The following GALNTL6 variants were observed in gnomAD, a reference collection of about 807,000 sequenced individuals.
GALNTL6 encodes the protein polypeptide N-acetylgalactosaminyltransferase like 6.
GALNTL6 carries 46 observed loss-of-function variants against 73.7 expected under a neutral mutation model. The observed-to-expected ratio is 0.62, with a 90% CI of 0.49 to 0.80. The LOEUF (loss-of-function observed/expected upper bound fraction) is 0.80. Ranked by LOEUF, GALNTL6 falls within the 30% of genes least tolerant of loss-of-function variation. The pLI is 0.00. For missense variants in GALNTL6, 604 were observed against 755.0 expected (o/e 0.80, Z 2.34); for synonymous variants, 259 against 263.7 (o/e 0.98, Z 0.17).
At chr4:172,507,244 A>C (rs1734395899) in intron 5 of GALNTL6, among the ~76,000 whole-genome samples, 1 of 54,930 alleles carries the variant, frequency 1.8e-5, no homozygotes. Flanking sequence ...CTTTATAGCC[A>C]AATTTTACAA....
chr4:172,305,612 G>A (rs1484249097), intron 3 of GALNTL6, among the ~76,000 whole-genome samples: 1 of 151,774 alleles, frequency 6.6e-6, no homozygotes, highest in Non-Finnish European at 1.5e-5. Flanking sequence ...AGAGTCTTCT[G>A]CTTTATTTTG....
At chr4:172,496,622 GC>G in intron 5 of GALNTL6, among the ~76,000 whole-genome samples, 1 of 152,294 alleles carries the variant, frequency 6.6e-6, no homozygotes, top group Non-Finnish European at 1.5e-5. Context: ...GTTCGAGGCT[GC>G]AGTGAGTTAT....
chr4:172,906,141 T>C (rs1486184875), intron 8 of GALNTL6, among the ~76,000 whole-genome samples: 1 of 152,186 alleles, frequency 6.6e-6, no homozygotes, highest in Non-Finnish European at 1.5e-5. Flanking sequence ...AAGCAGATTT[T>C]ATTTTTAGTT....
At chr4:172,758,987 G>A (rs1238007166) in intron 5 of GALNTL6, among the ~76,000 whole-genome samples, 4 of 152,148 alleles carry the variant, frequency 2.6e-5, no homozygotes, top group African/African-American at 9.7e-5. Flanking sequence ...AGATATTTAG[G>A]CTTTTCCTGA....
Position 171,905,272 on chromosome 4 carries a change from T to C in GALNTL6, c.138+90554T>C, listed in dbSNP as rs1238754756. Among the ~76,000 whole-genome samples, 3 of 151,960 alleles carry C rather than the reference T, an allele frequency of 2.0e-5. No individual in the cohort carries two copies. In the East Asian group the frequency reaches 5.8e-4, roughly 29 times the overall value. On this transcript the variant is annotated intron_variant, in intron 2 of 12. Transcript: ENST00000506823. ...CCCATCTCACATGCAGAGACACACATAGGCTCAAAATAAAAGGATGGAGGA... is the reference window on the plus strand; with the variant it reads ...CCCATCTCACATGCAGAGACACACACAGGCTCAAAATAAAAGGATGGAGGA...
intron 3 of GALNTL6, among the ~76,000 whole-genome samples, chr4:172,242,603 A>C (rs1361938752): frequency 6.6e-6 from 1 of 152,212 alleles, no homozygotes; most frequent in Non-Finnish European, 1.5e-5. Flanking sequence ...AAGCCTCAGG[A>C]ATTCTATGAA....
rs574576592 is a variant in GALNTL6, at chr4:171,943,873, C to T, written c.138+129155C>T. ...TTTTTTTAAGGTAAGCTATTTTTGA[C>T]AATGCTATAGTTAAGAGACTAGAAT... On this transcript the variant is annotated intron_variant, in intron 2 of 12. Coordinates refer to ENST00000506823, the MANE Select transcript of GALNTL6 (RefSeq NM_001034845.3). Among the ~76,000 whole-genome samples, 20 of 151,514 alleles carry T rather than the reference C, an allele frequency of 1.3e-4. No individual in the cohort carries two copies. The South Asian group carries it at 4.2e-3, about 32-fold the overall frequency.
intron 4 of GALNTL6, among the ~76,000 whole-genome samples, chr4:172,342,580 T>A (rs1341928043): frequency 6.6e-6 from 1 of 152,216 alleles, no homozygotes; most frequent in African/African-American, 2.4e-5. Flanking sequence ...TTCTTAAATG[T>A]GGTTGCAGCT....
intron 2 of GALNTL6, among the ~76,000 whole-genome samples, chr4:171,817,788 G>T (rs1734559901): frequency 1.3e-5 from 2 of 151,502 alleles, no homozygotes; most frequent in South Asian, 4.2e-4. Context: ...CGATATAACA[G>T]TTTTAATAAC....
intron 5 of GALNTL6, among the ~76,000 whole-genome samples, chr4:172,743,082 G>A (rs1322004521): frequency 2.0e-5 from 3 of 152,022 alleles, no homozygotes; most frequent in African/African-American, 7.2e-5. Context: ...CAAAGAAGTA[G>A]TTCTCCAAAG....
intron 5 of GALNTL6, among the ~76,000 whole-genome samples, chr4:172,427,428 C>T (rs1259993640): frequency 6.6e-6 from 1 of 152,078 alleles, no homozygotes; most frequent in African/African-American, 2.4e-5. Flanking sequence ...GTACCTCCCA[C>T]CAGGTCCTTA....
intron 2 of GALNTL6, among the ~76,000 whole-genome samples, chr4:171,828,502 C>A (rs2110818958): frequency 6.6e-6 from 1 of 152,322 alleles, no homozygotes; most frequent in African/African-American, 2.4e-5. Flanking sequence ...TGGAAGTCCA[C>A]AGCTGCAGTT....
At chr4:172,094,875 T>C (rs1430419556) in intron 2 of GALNTL6, among the ~76,000 whole-genome samples, 3 of 152,232 alleles carry the variant, frequency 2.0e-5, no homozygotes, top group East Asian at 1.9e-4. Context: ...TTCTGCTTAC[T>C]GTACAGCTAT....
chr4:173,016,959 C>T (rs145999617), intron 11 of GALNTL6, among the ~76,000 whole-genome samples: 2,146 of 152,226 alleles, frequency 0.014, 45 homozygotes, highest in African/African-American at 0.047. Flanking sequence ...TCATGTTGTT[C>T]TCATGACAGT....
At chr4:172,263,834 G>T (rs1158958685) in intron 3 of GALNTL6, among the ~76,000 whole-genome samples, 1 of 151,512 alleles carries the variant, frequency 6.6e-6, no homozygotes, top group Non-Finnish European at 1.5e-5. Context: ...ACATAAGTAT[G>T]TGTACATGCA....
chr4:172,386,255 G>C (rs982165327), intron 5 of GALNTL6, among the ~76,000 whole-genome samples: 5 of 152,104 alleles, frequency 3.3e-5, no homozygotes, highest in African/African-American at 1.2e-4. Flanking sequence ...ACACTGAGTG[G>C]CCTAAAGAGC....
intron 2 of GALNTL6, among the ~76,000 whole-genome samples, chr4:171,958,128 A>G (rs1001796374): frequency 5.3e-5 from 8 of 152,164 alleles, no homozygotes; most frequent in Non-Finnish European, 7.4e-5. Flanking sequence ...TCACTGCTTT[A>G]CCTCTTCCTA....
At chr4:172,375,138 G>A (rs367632233) in intron 5 of GALNTL6, among the ~76,000 whole-genome samples, 1 of 152,270 alleles carries the variant, frequency 6.6e-6, no homozygotes, top group African/African-American at 2.4e-5. Context: ...TAGGATATGG[G>A]GATAAGCTGA....
intron 5 of GALNTL6, among the ~76,000 whole-genome samples, chr4:172,616,549 T>TG (rs1738741330): frequency 1.3e-5 from 2 of 148,680 alleles, no homozygotes; most frequent in African/African-American, 5.1e-5. Flanking sequence ...TTTTTTTTTT[T>TG]GCAAAGTTTT....
Sources: gnomAD v4.1 joint callset for allele counts (sites outside exome capture counted in the v4.1 genomes callset) on GRCh38, gnomAD v4.1.1 for gene constraint, MANE v1.5 for transcripts, NCBI Gene and HGNC (gene_info 2026-07-23, HGNC 2026-07-21) for gene names.